VCAN: variants seen among roughly 807,000 people sequenced by gnomAD.
The protein encoded by VCAN is versican core protein.
VCAN carries 44 observed loss-of-function variants against 245.5 expected under a neutral mutation model. The ratio of observed to expected loss-of-function variants is 0.18; its 90% CI spans 0.14 to 0.23. The LOEUF is 0.23. Among genes scored for constraint, VCAN ranks in the 10% least tolerant of loss-of-function variants. VCAN has a pLI of 1.00. For missense variants in VCAN, 3,793 were observed against 4,057.9 expected (o/e 0.93, Z 1.77); for synonymous variants, 1,413 against 1,437.0 (o/e 0.98, Z 0.38).
rs765547196 is a variant in VCAN, at chr5:83,493,529, T to C, written c.446-17T>C. The C allele has an allele frequency of 2.5e-6, 4 of 1,612,842 alleles. No individual in the cohort carries two copies. The South Asian group carries it at 4.4e-5, about 18-fold the overall frequency. ...AGATTTGAACAGGCTGGCAATTGTT[T>C]GCTGTTGTTTTTGCAGGGGTTGTGT... On this transcript the variant is annotated splice_polypyrimidine_tract_variant and intron_variant, in intron 3 of 14. Coordinates refer to ENST00000265077, the MANE Select transcript of VCAN (RefSeq NM_004385.5).
chr5:83,498,147 C>T (rs1222702614), intron 5 of VCAN, among the ~76,000 whole-genome samples: 1 of 152,146 alleles, frequency 6.6e-6, no homozygotes, highest in Non-Finnish European at 1.5e-5. Context: ...TTTACACAAG[C>T]TTCCAGCACT....
At chr5:83,544,448 C>T (rs1222552145) in intron 8 of VCAN, among the ~76,000 whole-genome samples, 1 of 152,146 alleles carries the variant, frequency 6.6e-6, no homozygotes, top group Admixed American at 6.5e-5. Context: ...TATAGCAGTA[C>T]CTTGTTTATC....
At chr5:83,522,362 A>G in intron 7 of VCAN, 53 bp downstream of exon 7, 6 of 1,587,714 alleles carry the variant, frequency 3.8e-6, no homozygotes, top group Non-Finnish European at 5.1e-6. Flanking sequence ...TTTTATCTTG[A>G]AAGTTACTTT....
At chr5:83,497,257 T>C (rs1248137566) in intron 5 of VCAN, among the ~76,000 whole-genome samples, 2 of 152,222 alleles carry the variant, frequency 1.3e-5, no homozygotes, top group East Asian at 3.8e-4. Flanking sequence ...GATATATAGT[T>C]GACAGTATGT....
Position 83,519,426 on chromosome 5 carries a change from G to T in VCAN, c.1120G>T (p.Val374Phe). The T allele has an allele frequency of 6.2e-7, 1 of 1,614,108 alleles. No individual in the cohort carries two copies. The highest frequency in any genetic ancestry group is 8.5e-7 in the Non-Finnish European group (1 of 1,179,944). Residue 374 changes from valine to phenylalanine, a missense_variant, in exon 7 of 15, where the codon GTT becomes TTT. Coordinates refer to ENST00000265077, the MANE Select transcript of VCAN (RefSeq NM_004385.5). The part of the protein sequence containing the change: ...SPSLSKEPQM[V>F]SDRTTPIIPL... ...CAGTTTATCCAAAGAACCACAAATG[G>T]TTTCTGATAGAACTACACCAATCAT...
intron 3 of VCAN, among the ~76,000 whole-genome samples, chr5:83,490,774 C>T (rs532329679): frequency 5.9e-5 from 9 of 152,270 alleles, no homozygotes; most frequent in Non-Finnish European, 1.2e-4. Flanking sequence ...TGAGTCTTAT[C>T]AGTGATTCTT....
chr5:83,574,026 C>A (rs1365958458), intron 13 of VCAN, among the ~76,000 whole-genome samples: 3 of 152,142 alleles, frequency 2.0e-5, no homozygotes, highest in Non-Finnish European at 4.4e-5. Context: ...AGACCGAAAG[C>A]CTCAAGACCT....
At chr5:83,507,277 C>T (rs1580615377) in intron 5 of VCAN, among the ~76,000 whole-genome samples, 1 of 152,132 alleles carries the variant, frequency 6.6e-6, no homozygotes, top group African/African-American at 2.4e-5. Flanking sequence ...AGGAAAGCAA[C>T]TATCCGTTAA....
At chr5:83,482,402 A>G (rs1744643474) in intron 1 of VCAN, among the ~76,000 whole-genome samples, 2 of 152,174 alleles carry the variant, frequency 1.3e-5, no homozygotes, top group African/African-American at 4.8e-5. Context: ...TCATTGGAAA[A>G]GGGAATGGTA....
chr5:83,579,510 C>G (rs959033975), intron 13 of VCAN, among the ~76,000 whole-genome samples: 3 of 152,022 alleles, frequency 2.0e-5, no homozygotes, highest in African/African-American at 4.8e-5. Context: ...TGATCCACCC[C>G]GCTTGGCCTC....
chr5:83,473,328 C>T (rs1315771800), intron 1 of VCAN, among the ~76,000 whole-genome samples: 1 of 152,204 alleles, frequency 6.6e-6, no homozygotes, highest in East Asian at 1.9e-4. Context: ...TCCAATCCAA[C>T]TGCGTCTCGG....
rs780321502 is a variant in VCAN, at chr5:83,580,377, A to G, written c.10134A>G (p.Ile3378Met). The change falls in exon 15 of 15, where the codon ATA (isoleucine) becomes ATG (methionine). Residue 3378 changes from isoleucine to methionine, a missense_variant. This residue lies in a region of VCAN where 37 missense variants were observed against 28.2 expected (regional missense o/e 1.31). Transcript: ENST00000265077. The part of the protein sequence containing the change: ...KNSSSAKDNS[I>M]NTSKHDHRWS... ...CCTCATCAGCAAAGGACAATTCAAT[A>G]AATACATCCAAACATGATCATCGTT... is the stretch of plus-strand genomic sequence containing the variant. The G allele has an allele frequency of 6.2e-7, 1 of 1,614,030 alleles. No individual in the cohort carries two copies. The highest frequency in any genetic ancestry group is 8.5e-7 in the Non-Finnish European group (1 of 1,179,962).
At chr5:83,496,895 G>A (rs922898590) in intron 5 of VCAN, among the ~76,000 whole-genome samples, 8 of 152,164 alleles carry the variant, frequency 5.3e-5, no homozygotes, top group South Asian at 2.1e-4. Context: ...ATAAAATTAC[G>A]TCTGGTATTT....
At chr5:83,546,614 G>A (rs905158769) in intron 9 of VCAN, among the ~76,000 whole-genome samples, 6 of 148,308 alleles carry the variant, frequency 4.0e-5, no homozygotes, top group African/African-American at 1.0e-4. Flanking sequence ...AAAATTAACC[G>A]TGCCTGTAGT....
At chr5:83,493,749 T>C (rs757437177) in intron 4 of VCAN, 29 bp downstream of exon 4, 3 of 1,614,006 alleles carry the variant, frequency 1.9e-6, no homozygotes, top group South Asian at 2.2e-5. Context: ...ACAGGCTTCA[T>C]TATTAACTTG....
At chr5:83,545,956 A>C (rs1048977942) in intron 9 of VCAN, among the ~76,000 whole-genome samples, 1 of 152,196 alleles carries the variant, frequency 6.6e-6, no homozygotes, top group African/African-American at 2.4e-5. Flanking sequence ...TATCCCCCAA[A>C]TCTGCATATA....
In VCAN at chr5:83,490,091, C is replaced by T; in HGVS notation, c.71-7C>T. 1 of 1,613,578 alleles carries T rather than the reference C, an allele frequency of 6.2e-7. No individual in the cohort carries two copies. The highest frequency in any genetic ancestry group is 8.5e-7 in the Non-Finnish European group (1 of 1,179,988). Reference sequence around the variant, plus strand: ...ATTGTTAATTTGTTATTTTCTCTTTCCTCTAGTCAAAGTGGGAAAAAGCCC... The same window carrying T: ...ATTGTTAATTTGTTATTTTCTCTTTTCTCTAGTCAAAGTGGGAAAAAGCCC... On this transcript the variant is annotated splice_region_variant and splice_polypyrimidine_tract_variant and intron_variant, in intron 2 of 14. Transcript: ENST00000265077.
chr5:83,511,744 CT>C (rs1745666155), intron 5 of VCAN, among the ~76,000 whole-genome samples: 2 of 152,026 alleles, frequency 1.3e-5, no homozygotes, highest in African/African-American at 4.8e-5. Context: ...ACATAGCAGA[CT>C]TTTTCCTTAA....
chr5:83,561,327 A>G (rs1312685893), intron 12 of VCAN, among the ~76,000 whole-genome samples: 1 of 152,090 alleles, frequency 6.6e-6, no homozygotes, highest in East Asian at 1.9e-4. Context: ...CTTATTTTCT[A>G]GCTCTAACCA....
Sources: gnomAD v4.1 joint callset for allele counts (sites outside exome capture counted in the v4.1 genomes callset) on GRCh38, gnomAD v4.1.1 for gene constraint, gnomAD v4.1.1 regional missense constraint, MANE v1.5 for transcripts, NCBI Gene and HGNC (gene_info 2026-07-23, HGNC 2026-07-21) for gene names.